Variants in TNRC18 observed in about 807,000 individuals in gnomAD.
The protein encoded by TNRC18 is trinucleotide repeat containing 18.
Under a neutral mutation model 226.7 loss-of-function variants are expected in TNRC18, and 69 were observed. The ratio of observed to expected loss-of-function variants is 0.30; its 90% CI spans 0.25 to 0.37. The LOEUF (loss-of-function observed/expected upper bound fraction) is 0.37, where lower values mean the gene tolerates loss of function less well. Among genes scored for constraint, TNRC18 ranks in the 10% least tolerant of loss-of-function variants. TNRC18 has a pLI of 1.00. For missense variants in TNRC18, 4,754 were observed against 4,256.6 expected (o/e 1.12, Z -3.25); for synonymous variants, 2,449 against 1,927.6 (o/e 1.27, Z -7.09).
chr7:5,377,347 A>T lies in TNRC18; in HGVS notation c.2461+24T>A. 4.1e-6 allele frequency: 2 copies of T among 486,620 alleles called. No homozygotes were observed. Among genetic ancestry groups the T allele is most frequent in the Non-Finnish European group, 7.7e-6 (2 of 259,596 alleles). The allele number at this position is 486,620 out of a possible 1,614,324, so 30.1% of individuals were successfully genotyped here. A position where few individuals can be genotyped will look rare whatever the true frequency, so the allele number is the denominator to read the frequency against. ...TCCCACCCCTCCCTCAGAGAAGGGG[A>T]GAGACCCTGTGCCCCACACTCACCG... On this transcript the variant is annotated intron_variant, in intron 7 of 29. Coordinates refer to ENST00000430969, the MANE Select transcript of TNRC18 (RefSeq NM_001080495.3). The surrounding 1 kb of genome is among the most constrained non-coding windows in gnomAD (Gnocchi z 5.8).
At chr7:5,403,946 A>G (rs958673768) in intron 2 of TNRC18, among the ~76,000 whole-genome samples, 4 of 152,204 alleles carry the variant, frequency 2.6e-5, no homozygotes, top group Non-Finnish European at 4.4e-5. Flanking sequence ...GCAGCTAAAA[A>G]TCCTGCAAGG....
At chr7:5,345,870 A>C in intron 17 of TNRC18, 60 bp from the exon 18 acceptor site, 2 of 1,490,172 alleles carry the variant, frequency 1.3e-6, no homozygotes, top group Non-Finnish European at 8.9e-7. Flanking sequence ...GCCACCCCCC[A>C]CCGCCCCCTG....
chr7:5,365,554 A>C (rs79706198), intron 11 of TNRC18, among the ~76,000 whole-genome samples: 10,960 of 152,164 alleles, frequency 0.072, 757 homozygotes, highest in African/African-American at 0.17. Context: ...AGGGTGCTCC[A>C]ACCACAGAGA....
intron 24 of TNRC18, among the ~76,000 whole-genome samples, chr7:5,317,997 G>A (rs556794528): frequency 9.9e-5 from 15 of 151,796 alleles, no homozygotes; most frequent in South Asian, 6.2e-4. Flanking sequence ...TCAGCCTCCC[G>A]AGTAGCTGGG....
In TNRC18 at chr7:5,388,959, C is replaced by A; in HGVS notation, c.865G>T (p.Gly289Trp). ...SVLTMCNGGA[G>W]DVGLPALVAE... ...ACCAGCGCGGGCAGCCCCACGTCCC[C>A]GGCGCCGCCGTTGCACATGGTCAGT... The change falls in exon 5 of 30, where the codon GGG (glycine) becomes TGG (tryptophan). Residue 289 changes from glycine to tryptophan, a missense_variant. Physicochemically the swap from Gly to Trp is radical, Grantham distance 184. Transcript: ENST00000430969. 7.2e-7 allele frequency: 1 copy of A among 1,386,022 alleles called. No individual in the cohort carries two copies. 85.9% of individuals were successfully genotyped at this position (1,386,022 alleles called of 1,614,324 possible). A position where few individuals can be genotyped will look rare whatever the true frequency, so the allele number is the denominator to read the frequency against.
At chr7:5,353,305 G>A (rs917652361) in intron 16 of TNRC18, among the ~76,000 whole-genome samples, 4 of 152,184 alleles carry the variant, frequency 2.6e-5, no homozygotes, top group Admixed American at 6.5e-5. Flanking sequence ...GGGAGGCTGA[G>A]GCGGGCAGCT....
At chr7:5,408,288 A>G (rs1439784561) in intron 2 of TNRC18, among the ~76,000 whole-genome samples, 1 of 139,110 alleles carries the variant, frequency 7.2e-6, no homozygotes, top group Non-Finnish European at 1.5e-5. Context: ...ACAGAACAAG[A>G]CTTCCGTCTC....
intron 27 of TNRC18, among the ~76,000 whole-genome samples, chr7:5,310,932 TCGTGTGTGCACGTGTTTG>T (rs1787116663): frequency 6.7e-6 from 1 of 148,938 alleles, no homozygotes; most frequent in East Asian, 1.9e-4. Context: ...GTGCACGTGT[TCGTGTGTGCACGTGTTTG>T]TGTGTGTGCA....
intron 5 of TNRC18, 113 bp downstream of exon 5, chr7:5,387,559 G>T: frequency 7.0e-7 from 1 of 1,426,644 alleles, no homozygotes; most frequent in Non-Finnish European, 9.5e-7. Context: ...TTTAAAAAAT[G>T]ATACTTATAA....
intron 2 of TNRC18, among the ~76,000 whole-genome samples, chr7:5,412,521 G>A (rs1475840324): frequency 1.3e-5 from 2 of 151,342 alleles, no homozygotes; most frequent in East Asian, 2.0e-4. Context: ...GGTTGCAGTG[G>A]GCTGAGATCG....
intron 18 of TNRC18, among the ~76,000 whole-genome samples, chr7:5,341,282 G>A (rs1054073128): frequency 1.4e-4 from 21 of 151,546 alleles, no homozygotes; most frequent in African/African-American, 4.6e-4. Context: ...AGCCAGGCAT[G>A]GTGGCGGGCA....
intron 18 of TNRC18, among the ~76,000 whole-genome samples, chr7:5,333,523 C>T (rs1043317789): frequency 3.9e-5 from 6 of 152,166 alleles, no homozygotes; most frequent in African/African-American, 1.4e-4. Context: ...CTCCCACTGC[C>T]CTCTCTACAC....
chr7:5,339,207 T>G (rs76229069), intron 18 of TNRC18, among the ~76,000 whole-genome samples: 1 of 148,398 alleles, frequency 6.7e-6, no homozygotes, highest in Non-Finnish European at 1.5e-5. Flanking sequence ...AACAAATGTG[T>G]TTTTTTTGTT....
Position 5,377,682 on chromosome 7 carries a change from G to A in TNRC18, c.2256-106C>T. On this transcript the variant is annotated intron_variant, in intron 6 of 29. Coordinates refer to ENST00000430969, the MANE Select transcript of TNRC18 (RefSeq NM_001080495.3). The surrounding 1 kb of genome is among the most constrained non-coding windows in gnomAD (Gnocchi z 5.8). ...CTGTTTGCCACCAGGCCATGAGTCA[G>A]GACAACCACTGCTCGGAACTGAAGG... is the stretch of plus-strand genomic sequence containing the variant. 1 of 1,268,756 alleles carries A rather than the reference G, an allele frequency of 7.9e-7. No homozygotes were observed. Among genetic ancestry groups the A allele is most frequent in the Non-Finnish European group, 1.1e-6 (1 of 913,810 alleles). 78.6% of individuals were successfully genotyped at this position (1,268,756 alleles called of 1,614,324 possible). A position where few individuals can be genotyped will look rare whatever the true frequency, so the allele number is the denominator to read the frequency against.
At position 5,359,419 on chromosome 7, in the gene TNRC18, G is replaced by A. The variant is rs776483966; in HGVS notation, c.4812C>T (p.Ala1604=). The change falls in exon 15 of 30, where the codon GCC becomes GCT. Residue 1604 remains alanine, a synonymous_variant. Transcript: ENST00000430969. ...GRNQTWDEHE[A]SSDFISQLKI... ...TCACCTGACTGATGAAGTCCGACGA[G>A]GCCTCATGTTCATCCCAAGTCTGGT... 5 of 1,613,850 alleles carry A rather than the reference G, an allele frequency of 3.1e-6. No homozygotes were observed. The highest frequency in any genetic ancestry group is 4.2e-6 in the Non-Finnish European group (5 of 1,179,890).
chr7:5,414,656 C>T (rs749382182), intron 2 of TNRC18, among the ~76,000 whole-genome samples: 6 of 152,320 alleles, frequency 3.9e-5, no homozygotes, highest in Non-Finnish European at 8.8e-5. Context: ...TCGTGATCCA[C>T]CCGCCTCAGC....
At chr7:5,352,877 CAG>C (rs746102703) in intron 16 of TNRC18, among the ~76,000 whole-genome samples, 63 of 152,266 alleles carry the variant, frequency 4.1e-4, no homozygotes, top group Non-Finnish European at 7.9e-4. Flanking sequence ...GTTCCAGAGA[CAG>C]AGAATAATCC....
intron 18 of TNRC18, among the ~76,000 whole-genome samples, chr7:5,342,249 C>T (rs969463819): frequency 3.9e-5 from 6 of 151,964 alleles, no homozygotes; most frequent in African/African-American, 9.7e-5. Context: ...GCCGACATGG[C>T]GAAACCCTGT....
At chr7:5,401,257 A>G (rs1370376701) in intron 2 of TNRC18, among the ~76,000 whole-genome samples, 2 of 151,748 alleles carry the variant, frequency 1.3e-5, no homozygotes, top group Non-Finnish European at 2.9e-5. Flanking sequence ...GCATGTGATC[A>G]TGATAGGGAT....
Sources: allele counts gnomAD v4.1 joint callset (sites outside exome capture counted in the v4.1 genomes callset), GRCh38; gene constraint gnomAD v4.1.1; non-coding constraint Gnocchi (gnomAD v3.1); transcripts MANE v1.5; gene names NCBI Gene and HGNC (gene_info 2026-07-23, HGNC 2026-07-21).